The following GABBR2 variants were observed in gnomAD, a reference collection of about 807,000 sequenced individuals.
The protein encoded by GABBR2 is gamma-aminobutyric acid type B receptor subunit 2.
Under a neutral mutation model 105.6 loss-of-function variants are expected in GABBR2, and 23 were observed. That is an observed-to-expected ratio of 0.22 (90% CI 0.16 to 0.31). The LOEUF is 0.31. Ranked by LOEUF, GABBR2 falls within the 10% of genes least tolerant of loss-of-function variation. The pLI is 1.00. For synonymous variants in GABBR2, 478 were observed against 499.7 expected (o/e 0.96, Z 0.58); for missense variants, 734 against 1,245.5 (o/e 0.59, Z 6.18).
intron 13 of GABBR2, among the ~76,000 whole-genome samples, chr9:98,332,906 C>G (rs994594585): frequency 9.2e-5 from 14 of 152,168 alleles, no homozygotes; most frequent in Non-Finnish European, 1.8e-4. Context: ...TATTAAAACG[C>G]CACATGTGGA....
intron 8 of GABBR2, among the ~76,000 whole-genome samples, chr9:98,398,049 G>A (rs935905627): frequency 2.0e-5 from 3 of 152,208 alleles, no homozygotes; most frequent in East Asian, 1.9e-4. Flanking sequence ...TAACTCCACC[G>A]TGCAAACAAG....
chr9:98,546,534 AC>A (rs1197264168), intron 2 of GABBR2, among the ~76,000 whole-genome samples: 1 of 152,186 alleles, frequency 6.6e-6, no homozygotes, highest in African/African-American at 2.4e-5. Context: ...GATAAAATAA[AC>A]CTGTTTGTCA....
chr9:98,466,334 G>A (rs568267154), intron 6 of GABBR2, among the ~76,000 whole-genome samples: 2 of 152,318 alleles, frequency 1.3e-5, no homozygotes, highest in East Asian at 1.9e-4. Context: ...GTTACATCTG[G>A]CAGTGGGTAT....
chr9:98,688,571 G>T (rs887714215), intron 1 of GABBR2, among the ~76,000 whole-genome samples: 1 of 152,030 alleles, frequency 6.6e-6, no homozygotes, highest in African/African-American at 2.4e-5. Flanking sequence ...TATCTTCAAA[G>T]AATTCACATT....
intron 3 of GABBR2, among the ~76,000 whole-genome samples, chr9:98,502,540 C>T (rs1476295742): frequency 1.3e-5 from 2 of 152,200 alleles, no homozygotes. Context: ...GCTTTAGGGC[C>T]CCAAGACTGT....
At chr9:98,508,209 T>C (rs1827553049) in intron 3 of GABBR2, among the ~76,000 whole-genome samples, 1 of 152,184 alleles carries the variant, frequency 6.6e-6, no homozygotes, top group Non-Finnish European at 1.5e-5. Flanking sequence ...GACACCAAAC[T>C]AGAAGACGGA....
At chr9:98,598,182 C>T (rs1013715681) in intron 1 of GABBR2, among the ~76,000 whole-genome samples, 3 of 152,138 alleles carry the variant, frequency 2.0e-5, no homozygotes, top group Non-Finnish European at 4.4e-5. Flanking sequence ...TGACAACATC[C>T]ACCTGAAAAA....
At chr9:98,579,361 G>A (rs1588236998) in intron 1 of GABBR2, among the ~76,000 whole-genome samples, 2 of 152,120 alleles carry the variant, frequency 1.3e-5, no homozygotes, top group East Asian at 3.9e-4. Flanking sequence ...GGCCCACGAC[G>A]AGTATCAGGA....
chr9:98,512,806 A>G (rs1827675191), intron 3 of GABBR2, among the ~76,000 whole-genome samples: 1 of 152,260 alleles, frequency 6.6e-6, no homozygotes, highest in East Asian at 1.9e-4. Context: ...GGAAGAATCA[A>G]TATCGTGCAA....
At chr9:98,593,673 C>A (rs879752858) in intron 1 of GABBR2, among the ~76,000 whole-genome samples, 1 of 152,178 alleles carries the variant, frequency 6.6e-6, no homozygotes, top group Non-Finnish European at 1.5e-5. Context: ...GCCATGTCCC[C>A]GAATCTGACA....
chr9:98,554,128 G>A (rs541035775), intron 2 of GABBR2, among the ~76,000 whole-genome samples: 57 of 152,220 alleles, frequency 3.7e-4, no homozygotes, highest in East Asian at 5.8e-4. Context: ...TGACGTCCTC[G>A]CTCCAATTTT....
chr9:98,416,844 T>C (rs1334017584), intron 7 of GABBR2, among the ~76,000 whole-genome samples: 1 of 152,302 alleles, frequency 6.6e-6, no homozygotes, highest in East Asian at 1.9e-4. Context: ...TATTAAACAA[T>C]TCCTTGTATT....
At position 98,394,244 on chromosome 9, in the gene GABBR2, C is replaced by G. The variant is rs1832247561; in HGVS notation, c.1309G>C (p.Val437Leu). ...ACAGCGTTGTACTCTCCCACCTTCACCTCCCTGCTGTCTGTGGGGAGCAAA... is the reference window on the plus strand; with the variant it reads ...ACAGCGTTGTACTCTCCCACCTTCAGCTCCCTGCTGTCTGTGGGGAGCAAA... The part of the protein sequence containing the change: ...KFTQFQDSRE[V>L]KVGEYNAVAD... The change falls in exon 9 of 19, where the codon GTG (valine) becomes CTG (leucine). Residue 437 changes from valine (V) to leucine (L), a missense_variant. Val to Leu is a conservative substitution (Grantham distance 32). Around this residue, in one of 7 missense-constraint regions of GABBR2, gnomAD observed 370 missense variants for 648.9 expected, o/e 0.57. Transcript: ENST00000259455. 6.2e-7 allele frequency: 1 copy of G among 1,613,212 alleles called. No homozygotes were observed.
intron 1 of GABBR2, among the ~76,000 whole-genome samples, chr9:98,658,534 C>T (rs1272386125): frequency 1.3e-5 from 2 of 152,268 alleles, no homozygotes; most frequent in Middle Eastern, 6.8e-3. Flanking sequence ...CAAATGCCTG[C>T]TCCCATCCAC....
intron 12 of GABBR2, among the ~76,000 whole-genome samples, chr9:98,363,741 T>A (rs1454701646): frequency 6.6e-6 from 1 of 152,158 alleles, no homozygotes. Context: ...AGAAGAAATA[T>A]AACTCCCATT....
intron 1 of GABBR2, among the ~76,000 whole-genome samples, chr9:98,629,344 TCTC>T (rs1829787435): frequency 6.6e-6 from 1 of 152,236 alleles, no homozygotes; most frequent in African/African-American, 2.4e-5. Flanking sequence ...AAAAATGTCT[TCTC>T]CTTATTTATA....
At position 98,472,864 on chromosome 9, in the gene GABBR2, G is replaced by A. The variant is rs577382535; in HGVS notation, c.999+282C>T. On this transcript the variant is annotated intron_variant, in intron 6 of 18. Transcript: ENST00000259455. ...TTTACAGAGTCTAAAGGGCCCTGAA[G>A]TTGATGCCAGGACTCTATTATTCAT... 4.6e-5 allele frequency among the ~76,000 whole-genome samples: 7 copies of A among 152,276 alleles called. No individual in the cohort carries two copies. The East Asian group carries it at 1.4e-3, about 29-fold the overall frequency.
At chr9:98,658,376 G>A (rs1830210117) in intron 1 of GABBR2, among the ~76,000 whole-genome samples, 1 of 145,026 alleles carries the variant, frequency 6.9e-6, no homozygotes, top group Admixed American at 7.1e-5. Flanking sequence ...AGCTTCAGTG[G>A]AGAGCCACTG....
intron 3 of GABBR2, among the ~76,000 whole-genome samples, chr9:98,538,263 T>A (rs1317433849): frequency 6.6e-6 from 1 of 152,226 alleles, no homozygotes. Flanking sequence ...TTAGCAAGGA[T>A]GGGCTCAGAG....
Sources: allele counts gnomAD v4.1 joint callset (sites outside exome capture counted in the v4.1 genomes callset), GRCh38; gene constraint gnomAD v4.1.1; regional missense constraint gnomAD v4.1.1; transcripts MANE v1.5; gene names NCBI Gene and HGNC (gene_info 2026-07-23, HGNC 2026-07-21).